Variants in PARVG observed in about 807,000 individuals in gnomAD.
The protein encoded by PARVG is parvin gamma.
PARVG carries 36 observed loss-of-function variants against 44.4 expected under a neutral mutation model. The observed-to-expected ratio is 0.81, with a 90% CI of 0.62 to 1.07. PARVG has a LOEUF of 1.07. Among genes scored for constraint, PARVG ranks in the 50% least tolerant of loss-of-function variants. PARVG has a pLI of 0.00. For synonymous variants in PARVG, 170 were observed against 174.1 expected (o/e 0.98, Z 0.19); for missense variants, 407 against 407.4 (o/e 1.00, Z 0.01).
At chr22:44,185,944 G>A (rs751406546) in intron 4 of PARVG, 72 bp downstream of exon 4, 126 of 1,459,048 alleles carry the variant, frequency 8.6e-5, no homozygotes, top group African/African-American at 5.9e-4. Flanking sequence ...TCCACGGGGC[G>A]GGGACAGCAG....
rs553804795 is a variant in PARVG, at chr22:44,199,611, C to T, written c.813+889C>T. ...GTGGTCTTGCAGGGCCACAGTGAAACGTGTTGGTTCAGATGCCTGGGTCAG... is the reference window on the plus strand; with the variant it reads ...GTGGTCTTGCAGGGCCACAGTGAAATGTGTTGGTTCAGATGCCTGGGTCAG... On this transcript the variant is annotated intron_variant, in intron 12 of 13. Transcript: ENST00000444313. Among the ~76,000 whole-genome samples, 21 of 152,270 alleles carry T rather than the reference C, an allele frequency of 1.4e-4. 1 individual carries two copies. The South Asian group carries it at 3.9e-3, about 29-fold the overall frequency.
chr22:44,181,711 C>T (rs898639381), intron 1 of PARVG, 31 bp from the exon 2 acceptor site: 442 of 985,170 alleles, frequency 4.5e-4, no homozygotes, highest in South Asian at 6.1e-4. Context: ...TTCACTTTCA[C>T]GGCATCCACC....
chr22:44,198,844 G>T (rs1002381216), intron 12 of PARVG, 122 bp downstream of exon 12: 2 of 716,478 alleles, frequency 2.8e-6, no homozygotes, highest in Non-Finnish European at 4.8e-6. Flanking sequence ...AAGCTTATTT[G>T]TCTATATGTC....
At chr22:44,178,052 C>A (rs549868024), upstream of PARVG, among the ~76,000 whole-genome samples, 10 of 152,154 alleles carry the variant, frequency 6.6e-5, no homozygotes, top group African/African-American at 1.4e-4. Context: ...ATTGGACATG[C>A]CTTTGCTCCC....
chr22:44,190,934 A>T (rs1276990362), intron 7 of PARVG, among the ~76,000 whole-genome samples: 5 of 152,202 alleles, frequency 3.3e-5, no homozygotes, highest in Non-Finnish European at 5.9e-5. Context: ...AGCAGAGGGC[A>T]TCTGGCTGGC....
intron 3 of PARVG, chr22:44,183,705 T>C (rs763294162): frequency 4.6e-4 from 194 of 420,124 alleles, no homozygotes; most frequent in Non-Finnish European, 6.9e-4. Context: ...CTCTTACCAA[T>C]AGCAACTCAT....
upstream of PARVG, among the ~76,000 whole-genome samples, chr22:44,178,912 A>G (rs2054342791): frequency 6.6e-6 from 1 of 152,250 alleles, no homozygotes; most frequent in Admixed American, 6.5e-5. Context: ...TGTGTTATGC[A>G]GGAGAATGTT....
chr22:44,189,039 C>T, intron 5 of PARVG, 75 bp from the exon 6 acceptor site: 10 of 1,587,504 alleles, frequency 6.3e-6, no homozygotes, highest in Non-Finnish European at 8.6e-6. Flanking sequence ...GCAGGCTCAG[C>T]CTCCTGGAGG....
At chr22:44,180,870 C>T (rs1407830847), upstream of PARVG, 3 of 979,364 alleles carry the variant, frequency 3.1e-6, no homozygotes, top group East Asian at 2.3e-4. Context: ...AGATAGCTTC[C>T]CAGTCACCTG....
At chr22:44,200,418 TAAGA>T (rs1391612802) in intron 12 of PARVG, among the ~76,000 whole-genome samples, 3 of 152,098 alleles carry the variant, frequency 2.0e-5, no homozygotes, top group Non-Finnish European at 2.9e-5. Flanking sequence ...ACACAGGTAG[TAAGA>T]AAGAGTTTGG....
chr22:44,196,333 T>C lies in PARVG; in HGVS notation c.643-14T>C, dbSNP rs771784979. 1.2e-6 allele frequency: 2 copies of C among 1,614,120 alleles called. No individual in the cohort carries two copies. Among genetic ancestry groups the C allele is most frequent in the Non-Finnish European group, 1.7e-6 (2 of 1,180,040 alleles). On this transcript the variant is annotated splice_polypyrimidine_tract_variant and intron_variant, in intron 10 of 13. Coordinates refer to ENST00000444313, the MANE Select transcript of PARVG (RefSeq NM_022141.7). The stretch of plus-strand genomic sequence containing the variant: ...CACCTGCTGTGTGCTAGGCCCTTGT[T>C]CTTCCCTGGTTAGGCCATCGTGAAC...
Position 44,181,773 on chromosome 22 carries a change from C to G in PARVG, c.-157C>G, listed in dbSNP as rs2054382696. 1 of 985,450 alleles carries G rather than the reference C, an allele frequency of 1.0e-6. No homozygotes were observed. The highest frequency in any genetic ancestry group is 1.2e-6 in the Non-Finnish European group (1 of 829,938). The allele number at this position is 985,450 out of a possible 1,614,324, so 61.0% of individuals were successfully genotyped here. A position where few individuals can be genotyped will look rare whatever the true frequency, so the allele number is the denominator to read the frequency against. On this transcript the variant is annotated 5_prime_UTR_variant, in exon 2 of 14. Transcript: ENST00000444313. ...GGAAGCTCCTGCCGGCTGAGCGGGC[C>G]TGGAGGAAGTGAGCAGCGGGGCTCC...
intron 8 of PARVG, among the ~76,000 whole-genome samples, chr22:44,192,374 G>A (rs1363106837): frequency 6.6e-6 from 1 of 152,214 alleles, no homozygotes. Flanking sequence ...TTGGGGTACA[G>A]GGCCCAGTGA....
At chr22:44,204,408 G>A (rs1221997515) in intron 12 of PARVG, among the ~76,000 whole-genome samples, 1 of 152,218 alleles carries the variant, frequency 6.6e-6, no homozygotes, top group Non-Finnish European at 1.5e-5. Flanking sequence ...TATCATCCCC[G>A]TGACACAGAT....
intron 7 of PARVG, 79 bp from the exon 8 acceptor site, chr22:44,191,970 A>C: frequency 6.7e-7 from 1 of 1,499,210 alleles, no homozygotes; most frequent in Non-Finnish European, 9.3e-7. Context: ...GATGATACAG[A>C]GCAAACGGAT....
At chr22:44,204,341 G>A (rs1458562805) in intron 12 of PARVG, among the ~76,000 whole-genome samples, 1 of 152,178 alleles carries the variant, frequency 6.6e-6, no homozygotes, top group Non-Finnish European at 1.5e-5. Context: ...CTTCAATTCT[G>A]TGTCCGTCAT....
Position 44,206,517 on chromosome 22 carries a change from C to T in PARVG, c.*91C>T, listed in dbSNP as rs1189696957. 7.7e-6 allele frequency: 9 copies of T among 1,168,590 alleles called. No homozygotes were observed. 72.4% of individuals were successfully genotyped at this position (1,168,590 alleles called of 1,614,324 possible). On this transcript the variant is annotated 3_prime_UTR_variant, in exon 14 of 14. Coordinates refer to ENST00000444313, the MANE Select transcript of PARVG (RefSeq NM_022141.7). ...TGTCCTCCCACAGTCCCGCTGTTTC[C>T]TGTGCATTCGTGACCCGCTTCCCTC... is the stretch of plus-strand genomic sequence containing the variant.
chr22:44,190,741 G>A (rs2054537051), intron 7 of PARVG, 75 bp downstream of exon 7: 1 of 1,314,088 alleles, frequency 7.6e-7, no homozygotes, highest in South Asian at 1.2e-5. Flanking sequence ...CCCTGCATGG[G>A]TGGAGCTGGC....
At chr22:44,173,540 T>TA (rs11423068) in intron 1 of PARVG, among the ~76,000 whole-genome samples, 43,399 of 151,094 alleles carry the variant, frequency 0.29, 6,877 homozygotes, top group African/African-American at 0.41. Flanking sequence ...ACCACGCTAT[T>TA]AAAAAAAAAT....
Sources: gnomAD v4.1 joint callset for allele counts (sites outside exome capture counted in the v4.1 genomes callset) on GRCh38, gnomAD v4.1.1 for gene constraint, MANE v1.5 for transcripts, NCBI Gene and HGNC (gene_info 2026-07-23, HGNC 2026-07-21) for gene names.